Variants in UGT8 observed in about 807,000 individuals in gnomAD.
UGT8 encodes UDP glycosyltransferase 8.
Under a neutral mutation model 40.5 loss-of-function variants are expected in UGT8, and 12 were observed. That is an observed-to-expected ratio of 0.30 (90% CI 0.19 to 0.48). UGT8 has a LOEUF of 0.48. Ranked by LOEUF, UGT8 falls within the 20% of genes least tolerant of loss-of-function variation. The pLI is 0.99. For missense variants in UGT8, 513 were observed against 648.7 expected (o/e 0.79, Z 2.27); for synonymous variants, 224 against 240.4 (o/e 0.93, Z 0.63).
intron 1 of UGT8, among the ~76,000 whole-genome samples, chr4:114,604,555 A>G (rs1730626166): frequency 6.7e-6 from 1 of 149,094 alleles, no homozygotes; most frequent in Non-Finnish European, 1.5e-5. Context: ...GTGATGCTTT[A>G]TATTAGAGAT....
In UGT8 at chr4:114,623,543, G is replaced by T. The variant is rs754186990; in HGVS notation, c.663G>T (p.Lys221Asn). 71 of 1,614,008 alleles carry T rather than the reference G, an allele frequency of 4.4e-5. No individual in the cohort carries two copies. The Middle Eastern group carries it at 8.2e-4, about 19-fold the overall frequency. The change falls in exon 2 of 6, where the codon AAG (lysine) becomes AAT (asparagine). Residue 221 changes from lysine (K) to asparagine (N), a missense_variant. Around this residue, in one of 3 missense-constraint regions of UGT8, gnomAD observed 335 missense variants for 444.8 expected, o/e 0.75. Transcript: ENST00000310836. ...CCAAATATGAAAGGATAATGCAGAA[G>T]TACAACCTGCTGCCAGAGAAGTCCA... ...VLPKYERIMQ[K>N]YNLLPEKSMY...
intron 1 of UGT8, among the ~76,000 whole-genome samples, chr4:114,620,048 T>A (rs2126095507): frequency 6.6e-6 from 1 of 152,050 alleles, no homozygotes; most frequent in Middle Eastern, 3.4e-3. Context: ...TCATTAAAAA[T>A]TATGTGATTT....
rs145310363 is a variant in UGT8 at position 114,644,955 on chromosome 4, A to C, written c.823-19040A>C. Among the ~76,000 whole-genome samples the C allele has an allele frequency of 7.2e-3, 1,097 of 152,230 alleles. 16 individuals are homozygous for C. Among genetic ancestry groups the C allele is most frequent in the African/African-American group, 0.024 (1,016 of 41,530 alleles). On this transcript the variant is annotated intron_variant, in intron 2 of 5. Transcript: ENST00000310836. Reference sequence around the variant, plus strand: ...TCCTAATCTGGTTATTAGCTCCTTAAAGCTACTTTCAGCTTCTTCTACTAT... The same window carrying C: ...TCCTAATCTGGTTATTAGCTCCTTACAGCTACTTTCAGCTTCTTCTACTAT...
rs1009533082 is a variant in UGT8 at position 114,672,892 on chromosome 4, A to C, written c.1263-3033A>C. Among the ~76,000 whole-genome samples the C allele has an allele frequency of 6.6e-5, 10 of 152,220 alleles. 1 individual carries two copies. In the South Asian group the frequency reaches 2.1e-3, roughly 32 times the overall value. On this transcript the variant is annotated intron_variant, in intron 5 of 5. Transcript: ENST00000310836. ...ACGTCTCTGTTTCCTAATGCTTTGG[A>C]TTCATTTAATAAAGGCCTATTGCTT...
At chr4:114,667,146 A>G (rs1734937114) in intron 4 of UGT8, among the ~76,000 whole-genome samples, 1 of 152,186 alleles carries the variant, frequency 6.6e-6, no homozygotes, top group South Asian at 2.1e-4. Context: ...GGCTAGAGAC[A>G]CTGACTAACC....
chr4:114,612,137 T>C (rs1459899501), intron 1 of UGT8, among the ~76,000 whole-genome samples: 1 of 152,210 alleles, frequency 6.6e-6, no homozygotes, highest in Non-Finnish European at 1.5e-5. Flanking sequence ...TAAACTCGTA[T>C]CTTATTTTAC....
At chr4:114,657,178 A>G (rs1168679216) in intron 2 of UGT8, among the ~76,000 whole-genome samples, 1 of 151,798 alleles carries the variant, frequency 6.6e-6, no homozygotes, top group Non-Finnish European at 1.5e-5. Flanking sequence ...CCTTGCCATC[A>G]TCATATCCTC....
Position 114,608,141 on chromosome 4 carries a change from C to T in UGT8, c.-3+9167C>T, listed in dbSNP as rs925421592. ...GGGCATTCATTTCAGGATATCCCCC[C>T]GCTTGAGATGTCCTGCCTTTTTTTT... On this transcript the variant is annotated intron_variant, in intron 1 of 5. Transcript: ENST00000310836. Among the ~76,000 whole-genome samples, 9 of 152,276 alleles carry T rather than the reference C, an allele frequency of 5.9e-5. No individual in the cohort carries two copies. In the Middle Eastern group the frequency reaches 0.01, roughly 173 times the overall value.
At chr4:114,618,297 CA>C (rs1731564933) in intron 1 of UGT8, among the ~76,000 whole-genome samples, 2 of 152,096 alleles carry the variant, frequency 1.3e-5, no homozygotes, top group African/African-American at 4.8e-5. Flanking sequence ...AATAATATGC[CA>C]GTTGTATTTC....
At chr4:114,611,403 C>CATATATATAT (rs60533468) in intron 1 of UGT8, among the ~76,000 whole-genome samples, 12 of 106,244 alleles carry the variant, frequency 1.1e-4, no homozygotes, top group East Asian at 2.4e-4. Flanking sequence ...CATATATATC[C>CATATATATAT]ATATATATAT....
At position 114,668,302 on chromosome 4, in the gene UGT8, C is replaced by A; in HGVS notation, c.1260C>A (p.Pro420=). ...YEALVKVINN[P]SYRQRAQKLS... is the part of the protein sequence containing the mutation. Reference sequence around the variant, plus strand: ...CACTAGTGAAGGTTATCAATAATCCCAGGTAAGGTTTCAATTAACATTAAA... The same window carrying A: ...CACTAGTGAAGGTTATCAATAATCCAAGGTAAGGTTTCAATTAACATTAAA... The change falls in exon 5 of 6, where the codon CCC becomes CCA. Residue 420 remains proline (P), a splice_region_variant and synonymous_variant. Transcript: ENST00000310836. 1.2e-6 allele frequency: 2 copies of A among 1,613,176 alleles called. No individual in the cohort carries two copies. Among genetic ancestry groups the A allele is most frequent in the East Asian group, 2.2e-5 (1 of 44,822 alleles).
In UGT8 at chr4:114,600,403, GT is replaced by G. The variant is rs576699951; in HGVS notation, c.-3+1431del. ...TTGTTATCATTTCTGATAATTTCAT[GT>G]TCAAAAACGTCTATATTCACTCAAA... On this transcript the variant is annotated intron_variant, in intron 1 of 5. Coordinates refer to ENST00000310836, the MANE Select transcript of UGT8 (RefSeq NM_001128174.3). 4.6e-5 allele frequency among the ~76,000 whole-genome samples: 7 copies of G among 152,198 alleles called. No individual in the cohort carries two copies. The South Asian group carries it at 1.2e-3, about 27-fold the overall frequency.
At chr4:114,629,828 T>C (rs980387483) in intron 2 of UGT8, among the ~76,000 whole-genome samples, 2 of 152,230 alleles carry the variant, frequency 1.3e-5, no homozygotes, top group African/African-American at 2.4e-5. Flanking sequence ...TGAATTGATA[T>C]TGCAAGATCT....
intron 2 of UGT8, among the ~76,000 whole-genome samples, chr4:114,657,236 C>T (rs1226337955): frequency 1.3e-5 from 2 of 151,976 alleles, no homozygotes; most frequent in East Asian, 1.9e-4. Context: ...TCTTAAGAAC[C>T]TTGAAAATTT....
At chr4:114,634,760 A>G (rs1038741890) in intron 2 of UGT8, among the ~76,000 whole-genome samples, 2 of 152,126 alleles carry the variant, frequency 1.3e-5, no homozygotes, top group Non-Finnish European at 2.9e-5. Flanking sequence ...TGACAAGATC[A>G]CTTTACCTTT....
At chr4:114,663,028 T>C (rs1006323912) in intron 2 of UGT8, among the ~76,000 whole-genome samples, 3 of 151,770 alleles carry the variant, frequency 2.0e-5, no homozygotes, top group African/African-American at 7.3e-5. Context: ...TTTCACCATG[T>C]TAGCCAGGAT....
rs199775914 is a variant in UGT8, at chr4:114,623,691, C to T, written c.811C>T (p.Pro271Ser). The stretch of plus-strand genomic sequence containing the variant: ...AGGAATCCTAACCAAACCAGCCAGC[C>T]CACTACCAGAAGTAAGGTTTGCCGA... ...VGGILTKPASPLPEDLQRWVN... is the reference protein window; with the variant it reads ...VGGILTKPASSLPEDLQRWVN... The change falls in exon 2 of 6, where the codon CCA becomes TCA. Residue 271 changes from proline (P) to serine (S), a missense_variant. Pro to Ser is a moderately conservative substitution (Grantham distance 74). This residue lies in a region of UGT8 where 335 missense variants were observed against 444.8 expected (regional missense o/e 0.75). Transcript: ENST00000310836. The T allele has an allele frequency of 1.0e-5, 16 of 1,589,274 alleles. No individual in the cohort carries two copies. The African/African-American group carries it at 2.0e-4, about 20-fold the overall frequency.
At position 114,661,747 on chromosome 4, in the gene UGT8, A is replaced by G. The variant is rs1428426647; in HGVS notation, c.823-2248A>G. Among the ~76,000 whole-genome samples the G allele has an allele frequency of 3.3e-5, 5 of 152,202 alleles. No homozygotes were observed. In the East Asian group the frequency reaches 7.7e-4, roughly 23 times the overall value. On this transcript the variant is annotated intron_variant, in intron 2 of 5. Transcript: ENST00000310836. Reference sequence around the variant, plus strand: ...TCTAACTCAGGAAATAGGAGTTTGCATGTCACCTTGGTTCCCACTCTTCCT... The same window carrying G: ...TCTAACTCAGGAAATAGGAGTTTGCGTGTCACCTTGGTTCCCACTCTTCCT...
In UGT8 at chr4:114,606,705, T is replaced by C. The variant is rs536335486; in HGVS notation, c.-3+7731T>C. Among the ~76,000 whole-genome samples, 11 of 152,158 alleles carry C rather than the reference T, an allele frequency of 7.2e-5. No homozygotes were observed. In the East Asian group the frequency reaches 2.1e-3, roughly 29 times the overall value. ...AATGGAGATAAAGTAAGAGAGAAAC[T>C]GGAAGGGGAAGTAGTTTAGAAGCAG... is the stretch of plus-strand genomic sequence containing the variant. On this transcript the variant is annotated intron_variant, in intron 1 of 5. Coordinates refer to ENST00000310836, the MANE Select transcript of UGT8 (RefSeq NM_001128174.3).
Sources: gnomAD v4.1 joint callset for allele counts (sites outside exome capture counted in the v4.1 genomes callset) on GRCh38, gnomAD v4.1.1 for gene constraint, gnomAD v4.1.1 regional missense constraint, MANE v1.5 for transcripts, NCBI Gene and HGNC (gene_info 2026-07-23, HGNC 2026-07-21) for gene names.